The following LGALS3 variants were observed in gnomAD, a reference collection of about 807,000 sequenced individuals.
LGALS3 encodes galectin-3.
A neutral mutation model predicts 20.7 loss-of-function variants in LGALS3; 18 were observed. That is an observed-to-expected ratio of 0.87 (90% CI 0.60 to 1.29). The LOEUF is 1.29. Ranked by LOEUF, LGALS3 falls within the 50% of genes most tolerant of loss-of-function variation. The pLI is 0.00. For missense variants in LGALS3, 315 were observed against 314.7 expected (o/e 1.00, Z -0.01); for synonymous variants, 112 against 119.6 (o/e 0.94, Z 0.42).
At chr14:55,130,739 C>T (rs1219640278) in intron 1 of LGALS3, among the ~76,000 whole-genome samples, 1 of 88,938 alleles carries the variant, frequency 1.1e-5, no homozygotes. Flanking sequence ...TTGTATTTTT[C>T]GTGGTGGTGG....
chr14:55,134,989 TA>T (rs11399383), intron 1 of LGALS3, among the ~76,000 whole-genome samples: 75 of 145,176 alleles, frequency 5.2e-4, no homozygotes, highest in Admixed American at 8.3e-4. Context: ...ACCCCGTGTC[TA>T]AAAAAAAAAA....
chr14:55,136,477 C>T (rs77031867), intron 1 of LGALS3, among the ~76,000 whole-genome samples: 32 of 152,100 alleles, frequency 2.1e-4, no homozygotes, highest in Non-Finnish European at 4.0e-4. Context: ...ATGGATGCAT[C>T]TCATCTGCCT....
chr14:55,140,741 G>A (rs1471519447), intron 4 of LGALS3, among the ~76,000 whole-genome samples: 1 of 152,176 alleles, frequency 6.6e-6, no homozygotes, highest in Non-Finnish European at 1.5e-5. Flanking sequence ...CTGGGAACCC[G>A]TCTTTTGAGC....
At chr14:55,131,707 C>T (rs1246968008) in intron 1 of LGALS3, among the ~76,000 whole-genome samples, 1 of 152,156 alleles carries the variant, frequency 6.6e-6, no homozygotes, top group Non-Finnish European at 1.5e-5. Context: ...TTCCAGTTCG[C>T]TATTGACCAA....
At chr14:55,134,982 C>A (rs1881340278) in intron 1 of LGALS3, among the ~76,000 whole-genome samples, 1 of 148,554 alleles carries the variant, frequency 6.7e-6, no homozygotes, top group South Asian at 2.1e-4. Flanking sequence ...TAGTGAGACC[C>A]CGTGTCTAAA....
chr14:55,143,653 C>G (rs1374545637), intron 5 of LGALS3: 1 of 177,600 alleles, frequency 5.6e-6, no homozygotes, highest in African/African-American at 2.4e-5. Context: ...ATCTCTTGAC[C>G]TCGTGATCCG....
chr14:55,137,569 A>AAG, intron 2 of LGALS3, 178 bp downstream of exon 2: 1 of 1,527,746 alleles, frequency 6.5e-7, no homozygotes, highest in Non-Finnish European at 8.7e-7. Flanking sequence ...CAGATTTGGG[A>AAG]AGAAAGCCAG....
intron 5 of LGALS3, 39 bp from the exon 6 acceptor site, chr14:55,145,077 C>G: frequency 6.5e-7 from 1 of 1,543,416 alleles, no homozygotes. Context: ...CTGACATATG[C>G]ATTACCTCAT....
chr14:55,130,566 T>G (rs1335740159), intron 1 of LGALS3, among the ~76,000 whole-genome samples: 1 of 151,916 alleles, frequency 6.6e-6, no homozygotes, highest in African/African-American at 2.4e-5. Flanking sequence ...CCTAAGGTTT[T>G]TTTTTTTTTT....
chr14:55,138,248 T>C lies in LGALS3; in HGVS notation c.222T>C (p.Pro74=). The change falls in exon 3 of 6, where the codon CCT becomes CCC. Residue 74 remains proline (P), a synonymous_variant. Transcript: ENST00000254301. ...PGAPGAYPGA[P]APGVYPGPPS... is the part of the protein sequence containing the mutation. ...CACCTGGAGCTTATCCCGGAGCACC[T>C]GCACCTGGAGTCTACCCAGGGCCAC... 2.5e-6 allele frequency: 4 copies of C among 1,612,666 alleles called. No homozygotes were observed. The highest frequency in any genetic ancestry group is 3.4e-6 in the Non-Finnish European group (4 of 1,179,488).
At chr14:55,137,444 G>T (rs534656865) in intron 2 of LGALS3, 53 bp downstream of exon 2, 7 of 1,614,006 alleles carry the variant, frequency 4.3e-6, no homozygotes, top group East Asian at 4.5e-5. Context: ...ATGGTTGAGG[G>T]TTGGGGGTTT....
At chr14:55,142,553 AT>A (rs747127028) in intron 4 of LGALS3, 30 bp from the exon 5 acceptor site, 1 of 1,581,276 alleles carries the variant, frequency 6.3e-7, no homozygotes, top group South Asian at 1.1e-5. Context: ...AGCTTTAATC[AT>A]TTTAATAACT....
chr14:55,138,910 C>G (rs1304702096), intron 3 of LGALS3, among the ~76,000 whole-genome samples: 2 of 152,198 alleles, frequency 1.3e-5, no homozygotes, highest in Non-Finnish European at 2.9e-5. Context: ...AAGTGTAAAA[C>G]ATAACTCCAT....
In LGALS3 at chr14:55,145,353, T is replaced by G. The variant is rs759750729; in HGVS notation, c.*82T>G. ...TTTCATGTTCACTGTGAGTGAAAATTTTTACATTCATCAATATCCCTCTTG... is the reference window on the plus strand; with the variant it reads ...TTTCATGTTCACTGTGAGTGAAAATGTTTACATTCATCAATATCCCTCTTG... On this transcript the variant is annotated 3_prime_UTR_variant, in exon 6 of 6. Coordinates refer to ENST00000254301, the MANE Select transcript of LGALS3 (RefSeq NM_002306.4). 2.1e-5 allele frequency: 34 copies of G among 1,590,718 alleles called. 1 individual carries two copies. In the African/African-American group the frequency reaches 3.5e-4, roughly 16 times the overall value.
rs1271188100 is a variant in LGALS3 at position 55,129,479 on chromosome 14, G to C, written c.-5+179G>C. ...GGAGCGGGGCGGCGGGCAGCGATCT[G>C]GGCCCGGGGCAGTCGCCTTTGATTA... On this transcript the variant is annotated intron_variant, in intron 1 of 5. Coordinates refer to ENST00000254301, the MANE Select transcript of LGALS3 (RefSeq NM_002306.4). This position sits in a 1 kb window ranked among gnomAD's most constrained non-coding sequence, Gnocchi z 5.3. Among the ~76,000 whole-genome samples, 1 of 152,096 alleles carries C rather than the reference G, an allele frequency of 6.6e-6. No individual in the cohort carries two copies. Among genetic ancestry groups the C allele is most frequent in the Non-Finnish European group, 1.5e-5 (1 of 67,982 alleles).
chr14:55,140,513 T>C (rs1881583771), intron 4 of LGALS3, 150 bp downstream of exon 4: 1 of 573,942 alleles, frequency 1.7e-6, no homozygotes, highest in Non-Finnish European at 3.1e-6. Context: ...ATCTTGGCTA[T>C]ACCATCATAT....
rs571319114 is a variant in LGALS3 at position 55,135,355 on chromosome 14, T to C, written c.-4-2015T>C. 4.6e-5 allele frequency among the ~76,000 whole-genome samples: 7 copies of C among 152,152 alleles called. No homozygotes were observed. The South Asian group carries it at 1.5e-3, about 32-fold the overall frequency. ...CTCACTGGAGATTTTGGATTTTGGC[T>C]CTTCAGATTAGGGATGCTTAACTGG... On this transcript the variant is annotated intron_variant, in intron 1 of 5. Coordinates refer to ENST00000254301, the MANE Select transcript of LGALS3 (RefSeq NM_002306.4).
Position 55,138,281 on chromosome 14 carries a change from C to T in LGALS3, c.255C>T (p.Gly85=), listed in dbSNP as rs1311315204. ...APGVYPGPPS[G]PGAYPSSGQP... Reference sequence around the variant, plus strand: ...GAGTCTACCCAGGGCCACCCAGCGGCCCTGGGGCCTACCCATCTTCTGGAC... The same window carrying T: ...GAGTCTACCCAGGGCCACCCAGCGGTCCTGGGGCCTACCCATCTTCTGGAC... Residue 85 remains glycine, a synonymous_variant, in exon 3 of 6, where the codon GGC becomes GGT. Coordinates refer to ENST00000254301, the MANE Select transcript of LGALS3 (RefSeq NM_002306.4). 2 of 1,612,668 alleles carry T rather than the reference C, an allele frequency of 1.2e-6. No individual in the cohort carries two copies. The highest frequency in any genetic ancestry group is 1.7e-6 in the Non-Finnish European group (2 of 1,179,808).
At chr14:55,140,140 G>C in intron 3 of LGALS3, 135 bp from the exon 4 acceptor site, 1 of 549,180 alleles carries the variant, frequency 1.8e-6, no homozygotes, top group Admixed American at 3.4e-5. Context: ...AGTGGCCTGA[G>C]AGTCTGGACA....
Sources: allele counts gnomAD v4.1 joint callset (sites outside exome capture counted in the v4.1 genomes callset), GRCh38; gene constraint gnomAD v4.1.1; non-coding constraint Gnocchi (gnomAD v3.1); transcripts MANE v1.5; gene names NCBI Gene and HGNC (gene_info 2026-07-23, HGNC 2026-07-21).